WWOX: variants seen among roughly 807,000 people sequenced by gnomAD.
The protein encoded by WWOX is WW domain containing oxidoreductase, also known as WW domain-containing oxidoreductase.
WWOX carries 69 observed loss-of-function variants against 46.2 expected under a neutral mutation model. That is an observed-to-expected ratio of 1.49 (90% CI 1.23 to 1.82). WWOX has a LOEUF of 1.82. Among genes scored for constraint, WWOX ranks in the 40% most tolerant of loss-of-function variants. The pLI is 0.00. For synonymous variants in WWOX, 359 were observed against 202.6 expected (o/e 1.77, Z -6.56); for missense variants, 919 against 542.6 (o/e 1.69, Z -6.89).
intron 8 of WWOX, among the ~76,000 whole-genome samples, chr16:78,531,000 A>G (rs2151512794): frequency 6.6e-6 from 1 of 152,328 alleles, no homozygotes; most frequent in East Asian, 1.9e-4. Context: ...ATGGAATTGG[A>G]ATTTCAAAGC....
chr16:78,837,101 G>C (rs1401107150), intron 8 of WWOX, among the ~76,000 whole-genome samples: 6 of 152,036 alleles, frequency 3.9e-5, no homozygotes, highest in Admixed American at 3.9e-4. Context: ...CTTAGGGAGG[G>C]GGGAGAAGAA....
At chr16:78,695,305 C>T (rs1323990463) in intron 8 of WWOX, among the ~76,000 whole-genome samples, 1 of 152,084 alleles carries the variant, frequency 6.6e-6, no homozygotes, top group Non-Finnish European at 1.5e-5. Flanking sequence ...CAGCTTCCCC[C>T]CACTTTTTCT....
chr16:78,379,338 A>T (rs2081901237), intron 5 of WWOX, among the ~76,000 whole-genome samples: 1 of 152,170 alleles, frequency 6.6e-6, no homozygotes, highest in South Asian at 2.1e-4. Flanking sequence ...TGTAAACAGC[A>T]ACCCTTCTCT....
At chr16:78,508,609 T>C (rs1243051864) in intron 8 of WWOX, among the ~76,000 whole-genome samples, 1 of 152,162 alleles carries the variant, frequency 6.6e-6, no homozygotes, top group African/African-American at 2.4e-5. Context: ...TTACAGCAAA[T>C]GATTCAGAGC....
At chr16:78,481,065 A>G (rs1249712201) in intron 8 of WWOX, among the ~76,000 whole-genome samples, 3 of 152,200 alleles carry the variant, frequency 2.0e-5, no homozygotes, top group Non-Finnish European at 4.4e-5. Context: ...TGGAAAAACA[A>G]AAATCTAAAT....
In WWOX at chr16:78,728,166, G is replaced by A. The variant is rs145383059; in HGVS notation, c.1056+295414G>A. 7.2e-4 allele frequency among the ~76,000 whole-genome samples: 103 copies of A among 143,322 alleles called. 1 individual carries two copies. In the East Asian group the frequency reaches 0.021, roughly 30 times the overall value. 94.0% of individuals were successfully genotyped at this position (143,322 alleles called of 152,430 possible). On this transcript the variant is annotated intron_variant, in intron 8 of 8. Transcript: ENST00000566780. ...TGCAGCCTTAACCTCCTGGGTTCAA[G>A]TGATTCTCCTGCCTCAGCCTCCTGA...
chr16:79,055,093 T>A (rs962911399), intron 8 of WWOX, among the ~76,000 whole-genome samples: 1 of 152,174 alleles, frequency 6.6e-6, no homozygotes. Context: ...AGCCAGTGAA[T>A]ATAAAACTAA....
At chr16:78,425,116 C>G in intron 7 of WWOX, 61 bp downstream of exon 7, 3 of 1,597,312 alleles carry the variant, frequency 1.9e-6, no homozygotes, top group Non-Finnish European at 2.6e-6. Flanking sequence ...AATATTCCCC[C>G]AAGGCTCTCA....
intron 8 of WWOX, among the ~76,000 whole-genome samples, chr16:79,031,031 C>T (rs1024596814): frequency 3.3e-5 from 5 of 149,770 alleles, no homozygotes; most frequent in African/African-American, 1.2e-4. Flanking sequence ...AGGTTGAGGC[C>T]GCAGTGAGCC....
chr16:79,035,070 TCCAG>T (rs2047839451), intron 8 of WWOX, among the ~76,000 whole-genome samples: 1 of 152,186 alleles, frequency 6.6e-6, no homozygotes, highest in African/African-American at 2.4e-5. Flanking sequence ...TACTCTAATA[TCCAG>T]TAAAGTGAAA....
At chr16:78,546,807 C>A (rs2044044087) in intron 8 of WWOX, among the ~76,000 whole-genome samples, 1 of 152,148 alleles carries the variant, frequency 6.6e-6, no homozygotes, top group South Asian at 2.1e-4. Context: ...CCTAGAAAAC[C>A]TGGGCACAAC....
intron 4 of WWOX, among the ~76,000 whole-genome samples, chr16:78,142,280 A>G (rs916003981): frequency 6.6e-6 from 1 of 152,194 alleles, no homozygotes; most frequent in African/African-American, 2.4e-5. Context: ...CCTCTGTGGA[A>G]ATAGAAATTA....
intron 5 of WWOX, among the ~76,000 whole-genome samples, chr16:78,220,247 G>C (rs75360186): frequency 3.6e-4 from 55 of 152,142 alleles, no homozygotes; most frequent in African/African-American, 1.3e-3. Context: ...AGTTTTACAT[G>C]GTTTAAAGGC....
At chr16:78,598,540 G>C (rs530856568) in intron 8 of WWOX, among the ~76,000 whole-genome samples, 3 of 152,300 alleles carry the variant, frequency 2.0e-5, no homozygotes, top group Non-Finnish European at 4.4e-5. Context: ...AGTTGGGGGA[G>C]AGATTTTGAC....
intron 5 of WWOX, among the ~76,000 whole-genome samples, chr16:78,196,214 A>G (rs2036046409): frequency 6.6e-6 from 1 of 152,242 alleles, no homozygotes; most frequent in African/African-American, 2.4e-5. Flanking sequence ...AATTAATTTG[A>G]ATGTATTGCA....
intron 8 of WWOX, among the ~76,000 whole-genome samples, chr16:78,538,571 C>G (rs9635573): frequency 0.085 from 13,004 of 152,204 alleles, 771 homozygotes; most frequent in South Asian, 0.23. Context: ...TCCTGAACTG[C>G]TCATTCTGTT....
At chr16:78,433,817 T>G (rs2083277360) in intron 8 of WWOX, among the ~76,000 whole-genome samples, 1 of 121,714 alleles carries the variant, frequency 8.2e-6, no homozygotes, top group African/African-American at 3.2e-5. Flanking sequence ...TGAGACGGAG[T>G]CTCGCTCTGT....
chr16:78,925,217 G>A (rs2045471259), intron 8 of WWOX, among the ~76,000 whole-genome samples: 1 of 152,046 alleles, frequency 6.6e-6, no homozygotes, highest in South Asian at 2.1e-4. Flanking sequence ...AAAAGAAAAC[G>A]TGCTCATTGG....
chr16:78,923,968 T>TTTTTGTTTTATTTTG (rs1469498850), intron 8 of WWOX, among the ~76,000 whole-genome samples: 3 of 151,762 alleles, frequency 2.0e-5, no homozygotes, highest in African/African-American at 7.3e-5. Context: ...CCTGGCTAAT[T>TTTTTGTTTTATTTTG]TTTTGTTTTA....
Sources: allele counts gnomAD v4.1 joint callset (sites outside exome capture counted in the v4.1 genomes callset), GRCh38; gene constraint gnomAD v4.1.1; transcripts MANE v1.5; gene names NCBI Gene and HGNC (gene_info 2026-07-23, HGNC 2026-07-21).